The following GRM3 variants were observed in gnomAD, a reference collection of about 807,000 sequenced individuals.
GRM3 encodes metabotropic glutamate receptor 3.
A neutral mutation model predicts 70.5 loss-of-function variants in GRM3; 26 were observed. That is an observed-to-expected ratio of 0.37 (90% CI 0.27 to 0.51). The LOEUF is 0.51. Among genes scored for constraint, GRM3 ranks in the 20% least tolerant of loss-of-function variants. The pLI, the probability that GRM3 is intolerant of heterozygous loss-of-function variation, is 0.93. For missense variants in GRM3, 859 were observed against 1,123.8 expected, an observed-to-expected ratio of 0.76 and a Z score of 3.37; for synonymous variants, 443 against 434.9, an observed-to-expected ratio of 1.02 and a Z score of -0.23.
chr7:86,717,772 A>G (rs889942215), intron 1 of GRM3, among the ~76,000 whole-genome samples: 2 of 151,966 alleles, frequency 1.3e-5, no homozygotes, highest in South Asian at 2.1e-4. Flanking sequence ...ATGGGCATCG[A>G]GGAAAGGGCT....
At chr7:86,684,947 G>T (rs1404408824) in intron 1 of GRM3, among the ~76,000 whole-genome samples, 1 of 152,168 alleles carries the variant, frequency 6.6e-6, no homozygotes, top group African/African-American at 2.4e-5. Context: ...AGGATTAATT[G>T]TGTAAAGTAC....
Position 86,864,340 on chromosome 7 carries a change from C to T in GRM3, c.2625C>T (p.Thr875=). 2 of 1,610,870 alleles carry T rather than the reference C, an allele frequency of 1.2e-6. No homozygotes were observed. The highest frequency in any genetic ancestry group is 1.7e-6 in the Non-Finnish European group (2 of 1,177,176). Residue 875 remains threonine, a synonymous_variant, in exon 6 of 6, where the codon ACC becomes ACT. Transcript: ENST00000361669. ...VCNGREVLDS[T]TSSL Reference sequence around the variant, plus strand: ...ATGGGCGGGAAGTCCTCGACTCCACCACCTCATCTCTGTGATTGTGAATTG... The same window carrying T: ...ATGGGCGGGAAGTCCTCGACTCCACTACCTCATCTCTGTGATTGTGAATTG...
chr7:86,839,659 G>A lies in GRM3; in HGVS notation c.2145G>A (p.Arg715=). The A allele has an allele frequency of 1.2e-6, 2 of 1,613,918 alleles. No individual in the cohort carries two copies. Among genetic ancestry groups the A allele is most frequent in the Non-Finnish European group, 1.7e-6 (2 of 1,179,842 alleles). ...TCATCCTGGAGGCCCCAGGCACCAG[G>A]AGGTATACCCTTGCAGAGAAGCGGG... ...VWLILEAPGT[R]RYTLAEKRET... The change falls in exon 4 of 6, where the codon AGG becomes AGA. Residue 715 remains arginine, a synonymous_variant. Transcript: ENST00000361669. This position sits in a 1 kb window ranked among gnomAD's most constrained non-coding sequence, Gnocchi z 4.5.
chr7:86,700,960 A>C (rs1403691274), intron 1 of GRM3, among the ~76,000 whole-genome samples: 1 of 151,924 alleles, frequency 6.6e-6, no homozygotes, highest in Admixed American at 6.6e-5. Context: ...TTGTAATTTT[A>C]ATGAAAGTCT....
chr7:86,854,813 G>C (rs1798816743), intron 5 of GRM3, among the ~76,000 whole-genome samples: 1 of 152,128 alleles, frequency 6.6e-6, no homozygotes, highest in African/African-American at 2.4e-5. Context: ...CTGCAGGGAG[G>C]TTCTCTAGCC....
chr7:86,809,491 AG>A (rs1187500321), intron 3 of GRM3, among the ~76,000 whole-genome samples: 1 of 152,054 alleles, frequency 6.6e-6, no homozygotes, highest in Non-Finnish European at 1.5e-5. Context: ...GTGTGACTTC[AG>A]GCAATCCTCG....
At chr7:86,645,550 A>T (rs1413048380) in intron 1 of GRM3, among the ~76,000 whole-genome samples, 1 of 152,208 alleles carries the variant, frequency 6.6e-6, no homozygotes, top group Non-Finnish European at 1.5e-5. Flanking sequence ...TTTGCGATCC[A>T]AAAATAGACT....
chr7:86,794,478 C>T (rs1401402852), intron 3 of GRM3, among the ~76,000 whole-genome samples: 2 of 152,140 alleles, frequency 1.3e-5, no homozygotes, highest in Admixed American at 6.5e-5. Context: ...TTCACAGAAA[C>T]ATAGCAAAAT....
chr7:86,665,398 G>T (rs1030075269), intron 1 of GRM3, among the ~76,000 whole-genome samples: 2 of 151,940 alleles, frequency 1.3e-5, no homozygotes, highest in Non-Finnish European at 2.9e-5. Flanking sequence ...CTAGGCTCTG[G>T]CACTTGATAG....
At chr7:86,703,641 G>C (rs949618185) in intron 1 of GRM3, among the ~76,000 whole-genome samples, 3 of 151,840 alleles carry the variant, frequency 2.0e-5, no homozygotes, top group Non-Finnish European at 4.4e-5. Flanking sequence ...TGTTCTCTAG[G>C]AATGTGTATT....
intron 5 of GRM3, among the ~76,000 whole-genome samples, chr7:86,862,182 T>C (rs1798973395): frequency 6.6e-6 from 1 of 152,132 alleles, no homozygotes; most frequent in Non-Finnish European, 1.5e-5. Flanking sequence ...GAAGTGGCTT[T>C]TAAACGTACA....
intron 1 of GRM3, among the ~76,000 whole-genome samples, chr7:86,737,935 A>G (rs1795902304): frequency 6.6e-6 from 1 of 152,198 alleles, no homozygotes; most frequent in African/African-American, 2.4e-5. Context: ...TCTATATGAA[A>G]TCTATTGTGC....
chr7:86,799,236 G>T (rs1797625845), intron 3 of GRM3, among the ~76,000 whole-genome samples: 1 of 152,180 alleles, frequency 6.6e-6, no homozygotes, highest in Admixed American at 6.5e-5. Flanking sequence ...TTGCTTATCA[G>T]CTTAAGAAGG....
chr7:86,790,420 T>A (rs1476395642), intron 3 of GRM3, among the ~76,000 whole-genome samples: 1 of 152,202 alleles, frequency 6.6e-6, no homozygotes, highest in Non-Finnish European at 1.5e-5. Flanking sequence ...AGCCTACATT[T>A]CTGTGATAGC....
At chr7:86,677,039 C>T (rs1390282687) in intron 1 of GRM3, among the ~76,000 whole-genome samples, 10 of 151,934 alleles carry the variant, frequency 6.6e-5, no homozygotes. Context: ...TGAGGCATAT[C>T]ATGTATATTA....
chr7:86,750,409 T>C (rs148025196), intron 1 of GRM3, among the ~76,000 whole-genome samples: 20 of 152,182 alleles, frequency 1.3e-4, no homozygotes, highest in Non-Finnish European at 2.4e-4. Flanking sequence ...TCAAATGATG[T>C]AGGCTTTACT....
At chr7:86,818,821 T>G (rs1171313433) in intron 3 of GRM3, among the ~76,000 whole-genome samples, 1 of 152,050 alleles carries the variant, frequency 6.6e-6, no homozygotes, top group African/African-American at 2.4e-5. Context: ...AATACAACAA[T>G]TAGCAAGGGA....
intron 1 of GRM3, among the ~76,000 whole-genome samples, chr7:86,686,504 G>A (rs1285391854): frequency 1.3e-5 from 2 of 152,198 alleles, no homozygotes; most frequent in Non-Finnish European, 2.9e-5. Context: ...AAACAGTTTA[G>A]TATTTGAGTG....
At chr7:86,793,620 G>T (rs1797477865) in intron 3 of GRM3, among the ~76,000 whole-genome samples, 1 of 152,070 alleles carries the variant, frequency 6.6e-6, no homozygotes, top group Non-Finnish European at 1.5e-5. Flanking sequence ...ACCCCCAAAG[G>T]GCACCACTAA....
Sources: gnomAD v4.1 joint callset for allele counts (sites outside exome capture counted in the v4.1 genomes callset) on GRCh38, gnomAD v4.1.1 for gene constraint, Gnocchi (gnomAD v3.1) non-coding constraint, MANE v1.5 for transcripts, NCBI Gene and HGNC (gene_info 2026-07-23, HGNC 2026-07-21) for gene names.